WASHC2A: variants seen among roughly 807,000 people sequenced by gnomAD.
The protein encoded by WASHC2A is WASH complex subunit FAM21A.
Under a neutral mutation model 140.3 loss-of-function variants are expected in WASHC2A, and 82 were observed. The observed-to-expected ratio is 0.58, with a 90% CI of 0.49 to 0.70. WASHC2A has a LOEUF of 0.70. Ranked by LOEUF, WASHC2A falls within the 30% of genes least tolerant of loss-of-function variation. WASHC2A has a pLI of 0.00. For synonymous variants in WASHC2A, 340 were observed against 560.8 expected, an observed-to-expected ratio of 0.61 and a Z score of 5.56; for missense variants, 985 against 1,521.8, an observed-to-expected ratio of 0.65 and a Z score of 5.87.
intron 11 of WASHC2A, among the ~76,000 whole-genome samples, chr10:50,092,968 C>T (rs1244641547): frequency 4.4e-5 from 5 of 114,380 alleles, no homozygotes; most frequent in East Asian, 2.6e-4. Flanking sequence ...TTGAATGTGG[C>T]GTCTGACCCG....
At chr10:50,077,656 T>C (rs573662628) in intron 3 of WASHC2A, among the ~76,000 whole-genome samples, 1 of 152,360 alleles carries the variant, frequency 6.6e-6, no homozygotes, top group South Asian at 2.1e-4. Context: ...TTTCTTTCTT[T>C]TTAAAAAATT....
At chr10:50,109,494 T>C (rs1589248539) in intron 19 of WASHC2A, among the ~76,000 whole-genome samples, 3 of 152,190 alleles carry the variant, frequency 2.0e-5, no homozygotes, top group African/African-American at 7.2e-5. Context: ...CTGTAATTAA[T>C]GTTGATTCCC....
Position 50,067,958 on chromosome 10 carries a change from C to G in WASHC2A, c.-48C>G. The G allele has an allele frequency of 1.3e-6, 2 of 1,592,860 alleles. No homozygotes were observed. The highest frequency in any genetic ancestry group is 1.7e-6 in the Non-Finnish European group (2 of 1,171,640). The stretch of plus-strand genomic sequence containing the variant: ...GCTAGGCTTCCGGGGCTCTGCAGTC[C>G]TCGGCGTGTGCTGGCAGCTTCGGAG... On this transcript the variant is annotated 5_prime_UTR_variant, in exon 1 of 31. Coordinates refer to ENST00000282633, the MANE Select transcript of WASHC2A (RefSeq NM_001005751.3).
At chr10:50,122,809 G>GTT in intron 23 of WASHC2A, among the ~76,000 whole-genome samples, 1 of 73,798 alleles carries the variant, frequency 1.4e-5, no homozygotes, top group East Asian at 5.0e-4. Flanking sequence ...TGCTCCTATA[G>GTT]TTCTATCTCC....
intron 18 of WASHC2A, among the ~76,000 whole-genome samples, chr10:50,104,638 T>A (rs1841570143): frequency 1.3e-5 from 2 of 152,182 alleles, no homozygotes; most frequent in Admixed American, 1.3e-4. Flanking sequence ...ATTACAGGTG[T>A]GAGCCACCAT....
chr10:50,113,429 C>T (rs1564796590), intron 20 of WASHC2A, among the ~76,000 whole-genome samples: 3 of 151,414 alleles, frequency 2.0e-5, no homozygotes, highest in East Asian at 1.9e-4. Flanking sequence ...GTCTCAATAA[C>T]GCTACTAAAA....
chr10:50,083,911 AAG>A (rs1839165402), intron 5 of WASHC2A, among the ~76,000 whole-genome samples, 159 bp from the exon 6 acceptor site: 1 of 97,030 alleles, frequency 1.0e-5, no homozygotes, highest in Admixed American at 1.1e-4. Flanking sequence ...CAGTGAAAAA[AAG>A]AATTTTTTTT....
At chr10:50,092,030 G>T (rs1839982520) in intron 10 of WASHC2A, 132 bp from the exon 11 acceptor site, 13 of 1,583,536 alleles carry the variant, frequency 8.2e-6, no homozygotes, top group Non-Finnish European at 1.1e-5. Context: ...TCAGTGCTCT[G>T]GTGCAGCTGA....
rs1839357830 is a variant in WASHC2A, at chr10:50,086,175, AG to A, written c.684+619del. 2.0e-5 allele frequency among the ~76,000 whole-genome samples: 3 copies of A among 151,614 alleles called. No individual in the cohort carries two copies. The East Asian group carries it at 5.8e-4, about 29-fold the overall frequency. The stretch of plus-strand genomic sequence containing the variant: ...AGTCCTCGAGTATGGGATTTCCGAA[AG>A]GAGACAGTGTTGTGTATGTGCTTTT... On this transcript the variant is annotated intron_variant, in intron 7 of 30. Coordinates refer to ENST00000282633, the MANE Select transcript of WASHC2A (RefSeq NM_001005751.3).
chr10:50,109,675 T>C (rs1415368662), intron 19 of WASHC2A, among the ~76,000 whole-genome samples: 2 of 152,240 alleles, frequency 1.3e-5, no homozygotes, highest in African/African-American at 2.4e-5. Flanking sequence ...TCAAGACTGA[T>C]GCACTAAGTT....
rs1191347778 is a variant in WASHC2A, at chr10:50,133,494, T to C, written c.*549T>C. 2 of 469,102 alleles carry C rather than the reference T, an allele frequency of 4.3e-6. No homozygotes were observed. Among genetic ancestry groups the C allele is most frequent in the South Asian group, 3.1e-5 (2 of 64,470 alleles). The allele number at this position is 469,102 out of a possible 1,614,324, so 29.1% of individuals were successfully genotyped here. A position where few individuals can be genotyped will look rare whatever the true frequency, so the allele number is the denominator to read the frequency against. On this transcript the variant is annotated 3_prime_UTR_variant, in exon 31 of 31. Transcript: ENST00000282633. ...GTCATATTTTGTTAATAAAATTTTA[T>C]TGGAACACAACCACATTCATTTGTT...
chr10:50,129,915 A>G lies in WASHC2A; in HGVS notation c.3584A>G (p.Lys1195Arg), dbSNP rs1843788345. ...FQSAKPKPAK[K>R]TNPFPLLEDE... ...TCTGCTAAACCAAAACCAGCAAAGA[A>G]AACAAATCCCTTTCCTCTCCTGGAA... Residue 1195 changes from lysine (K) to arginine (R), a missense_variant, in exon 29 of 31, where the codon AAA becomes AGA. Lys to Arg is a conservative substitution (Grantham distance 26). Transcript: ENST00000282633. 6.2e-7 allele frequency: 1 copy of G among 1,611,912 alleles called. No individual in the cohort carries two copies. The highest frequency in any genetic ancestry group is 8.5e-7 in the Non-Finnish European group (1 of 1,179,866).
chr10:50,090,707 T>TA, intron 8 of WASHC2A, 69 bp from the exon 9 acceptor site: 9 of 1,456,336 alleles, frequency 6.2e-6, no homozygotes, highest in Non-Finnish European at 8.2e-6. Context: ...AGGAGGAGCC[T>TA]AAAGGCTGAC....
chr10:50,129,555 C>A lies in WASHC2A; in HGVS notation c.3224C>A (p.Ser1075Tyr), dbSNP rs1474073716. The stretch of plus-strand genomic sequence containing the variant: ...GCACAGTGGGCTGATGGCGCCATTT[C>A]CCCAAATGGCCATCGGCCACAGCTC... Reference protein sequence around the residue: ...PIAQWADGAISPNGHRPQLRA... With the variant: ...PIAQWADGAIYPNGHRPQLRA... Residue 1075 changes from serine (S) to tyrosine (Y), a missense_variant, in exon 29 of 31, where the codon TCC becomes TAC. Physicochemically the swap from Ser to Tyr is moderately radical, Grantham distance 144. Coordinates refer to ENST00000282633, the MANE Select transcript of WASHC2A (RefSeq NM_001005751.3). 6.2e-7 allele frequency: 1 copy of A among 1,611,898 alleles called. No individual in the cohort carries two copies. Among genetic ancestry groups the A allele is most frequent in the Non-Finnish European group, 8.5e-7 (1 of 1,179,864 alleles).
intron 2 of WASHC2A, 137 bp downstream of exon 2, chr10:50,068,364 C>T: frequency 1.7e-6 from 2 of 1,185,498 alleles, no homozygotes; most frequent in South Asian, 1.6e-5. Flanking sequence ...CCCGTTTAGC[C>T]CCCGAGAATG....
chr10:50,128,336 T>C (rs2805240), intron 28 of WASHC2A, among the ~76,000 whole-genome samples: 153 of 152,236 alleles, frequency 1.0e-3, no homozygotes, highest in East Asian at 1.5e-3. Flanking sequence ...CCAGGAATGC[T>C]CCTCTCTGTC....
At chr10:50,124,890 T>C (rs1160072170) in intron 23 of WASHC2A, among the ~76,000 whole-genome samples, 2 of 150,692 alleles carry the variant, frequency 1.3e-5, no homozygotes, top group Non-Finnish European at 3.0e-5. Flanking sequence ...ATGTAAACTT[T>C]GTATTTATAA....
intron 16 of WASHC2A, 151 bp from the exon 17 acceptor site, chr10:50,099,827 G>T (rs1350974839): frequency 3.2e-6 from 2 of 629,568 alleles, no homozygotes; most frequent in African/African-American, 3.9e-5. Flanking sequence ...TCTCTTAACA[G>T]CCCCCTCAGC....
intron 28 of WASHC2A, among the ~76,000 whole-genome samples, chr10:50,129,134 A>G (rs1297166168): frequency 6.6e-6 from 1 of 152,216 alleles, no homozygotes; most frequent in African/African-American, 2.4e-5. Flanking sequence ...GTTTCCAGCA[A>G]CAGATAAAAC....
Sources: allele counts gnomAD v4.1 joint callset (sites outside exome capture counted in the v4.1 genomes callset), GRCh38; gene constraint gnomAD v4.1.1; transcripts MANE v1.5; gene names NCBI Gene and HGNC (gene_info 2026-07-23, HGNC 2026-07-21).